DOCK7: variants seen among roughly 807,000 people sequenced by gnomAD.
DOCK7 encodes the protein dedicator of cytokinesis protein 7.
A neutral mutation model predicts 271.0 loss-of-function variants in DOCK7; 138 were observed. The observed-to-expected ratio is 0.51, with a 90% CI of 0.44 to 0.59. The LOEUF is 0.59. Among genes scored for constraint, DOCK7 ranks in the 20% least tolerant of loss-of-function variants. The probability of loss-of-function intolerance (pLI) is 0.00; values close to 1 mark genes in which losing one functional copy is unlikely to be tolerated. For missense variants in DOCK7, 2,066 were observed against 2,592.4 expected, an observed-to-expected ratio of 0.80 and a Z score of 4.41; for synonymous variants, 823 against 876.1, an observed-to-expected ratio of 0.94 and a Z score of 1.07.
rs543427495 is a variant in DOCK7, at chr1:62,641,606, C to T, written c.819-5003G>A. ...GTAGAAATTGCCAGAAATGTGGATG[C>T]CCTCGCAACACATGATCACCACCTT... On this transcript the variant is annotated intron_variant, in intron 7 of 49. Coordinates refer to ENST00000635253, the MANE Select transcript of DOCK7 (RefSeq NM_001367561.1). 414 of 469,950 alleles carry T rather than the reference C, an allele frequency of 8.8e-4. 3 individuals are homozygous for T. The highest frequency in any genetic ancestry group is 7.5e-3 in the African/African-American group (376 of 50,436). 29.1% of individuals were successfully genotyped at this position (469,950 alleles called of 1,614,324 possible).
In DOCK7 at chr1:62,557,157, C is replaced by T. The variant is rs150792059; in HGVS notation, c.2432-1168G>A. Among the ~76,000 whole-genome samples the T allele has an allele frequency of 8.8e-3, 1,331 of 151,598 alleles. 6 individuals are homozygous for T. Among genetic ancestry groups the T allele is most frequent in the South Asian group, 0.037 (176 of 4,778 alleles). ...TCAGGCAGTCCTCCCATCTTGGCCT[C>T]CCAAAGTGCTGGGATTATAGTTGTG... On this transcript the variant is annotated intron_variant, in intron 20 of 49. Transcript: ENST00000635253.
At position 62,552,738 on chromosome 1, in the gene DOCK7, C is replaced by G. The variant is rs139010379; in HGVS notation, c.2760G>C (p.Gly920=). The G allele has an allele frequency of 1.2e-5, 19 of 1,610,494 alleles. No homozygotes were observed. In the African/African-American group the frequency reaches 2.3e-4, roughly 19 times the overall value. The change falls in exon 22 of 50, where the codon GGG becomes GGC. Residue 920 remains glycine, a synonymous_variant. Coordinates refer to ENST00000635253, the MANE Select transcript of DOCK7 (RefSeq NM_001367561.1). ...ATGCATGTCTTCAGTTTACCTTACT[C>G]CCGATGATTGATCGAACTTCATCAT... ...SPDDEVRSII[G]SKGLDRSNSW... is the part of the protein sequence containing the mutation.
rs1654603925 is a variant in DOCK7 at position 62,631,353 on chromosome 1, C to T, written c.1169G>A (p.Arg390Lys). The T allele has an allele frequency of 1.2e-6, 2 of 1,612,988 alleles. No individual in the cohort carries two copies. The stretch of plus-strand genomic sequence containing the variant: ...AAAAGGCATGCGATATTTCCCAAGT[C>T]TTTGGCAAAACTGATCTGCTTGACT... Reference protein sequence around the residue: ...LKSQADQFCQRLGKYRMPFAW... With the variant: ...LKSQADQFCQKLGKYRMPFAW... The change falls in exon 11 of 50, where the codon AGA becomes AAA. Residue 390 changes from arginine (R) to lysine (K), a missense_variant. This residue lies in a region of DOCK7 where 1,414 missense variants were observed against 1,670.4 expected (regional missense o/e 0.85). Transcript: ENST00000635253.
intron 1 of DOCK7, among the ~76,000 whole-genome samples, chr1:62,680,837 A>G (rs866475991): frequency 1.9e-4 from 29 of 152,196 alleles, no homozygotes; most frequent in Middle Eastern, 6.8e-3. Context: ...ACAATGAGAC[A>G]CCATCTCACA....
At position 62,648,787 on chromosome 1, in the gene DOCK7, T is replaced by A. The variant is rs527286272; in HGVS notation, c.390-243A>T. 2.6e-5 allele frequency among the ~76,000 whole-genome samples: 4 copies of A among 152,136 alleles called. No individual in the cohort carries two copies. In the East Asian group the frequency reaches 7.8e-4, roughly 30 times the overall value. ...TCCTTCTTTCCATGCCAATCATGTG[T>A]ATATAAATTAAGCTGTACTTTCAAT... On this transcript the variant is annotated intron_variant, in intron 4 of 49. Transcript: ENST00000635253.
intron 1 of DOCK7, among the ~76,000 whole-genome samples, chr1:62,664,588 G>A (rs567557852): frequency 2.4e-4 from 37 of 152,062 alleles, no homozygotes; most frequent in African/African-American, 7.7e-4. Context: ...GGGATGTTTC[G>A]GACAATGAAA....
At chr1:62,601,855 T>C (rs780152039) in intron 14 of DOCK7, 2 of 1,609,494 alleles carry the variant, frequency 1.2e-6, no homozygotes, top group Non-Finnish European at 1.7e-6. Context: ...CTCTCAAGTT[T>C]TTCATGTCTA....
Position 62,654,023 on chromosome 1 carries a change from C to T in DOCK7, c.281G>A (p.Arg94Gln), listed in dbSNP as rs570514826. 8.1e-4 allele frequency: 1,304 copies of T among 1,613,782 alleles called. 16 individuals are homozygous for T. The South Asian group carries it at 0.013, about 16-fold the overall frequency. ...PDDIEVVYSP[R>Q]DCRTLVSAVP... ...AGCTGAAACAAGAGTTCTGCAGTCC[C>T]GAGGACTATAAACAACTTCAATATC... The change falls in exon 3 of 50, where the codon CGG (arginine) becomes CAG (glutamine). Residue 94 changes from arginine to glutamine, a missense_variant. Around this residue, in one of 2 missense-constraint regions of DOCK7, gnomAD observed 1,414 missense variants for 1,670.4 expected, o/e 0.85. Coordinates refer to ENST00000635253, the MANE Select transcript of DOCK7 (RefSeq NM_001367561.1).
chr1:62,589,053 A>T (rs1398594252), intron 14 of DOCK7, among the ~76,000 whole-genome samples: 2 of 152,128 alleles, frequency 1.3e-5, no homozygotes, highest in African/African-American at 4.8e-5. Flanking sequence ...ACCTAAATCC[A>T]TTAATTAATT....
intron 14 of DOCK7, chr1:62,601,002 C>T: frequency 3.6e-6 from 3 of 840,800 alleles, no homozygotes; most frequent in African/African-American, 1.7e-5. Flanking sequence ...ACAAACTGTA[C>T]TTCTGACATC....
At chr1:62,476,633 T>C (rs533851610) in intron 44 of DOCK7, among the ~76,000 whole-genome samples, 1 of 152,308 alleles carries the variant, frequency 6.6e-6, no homozygotes, top group African/African-American at 2.4e-5. Flanking sequence ...CATTGACCTG[T>C]TGCAGTTCTC....
chr1:62,575,915 T>C (rs913477901), intron 18 of DOCK7, among the ~76,000 whole-genome samples: 7 of 152,132 alleles, frequency 4.6e-5, no homozygotes, highest in African/African-American at 1.7e-4. Flanking sequence ...TTTTAAAACA[T>C]CTCCTTTGAA....
At chr1:62,603,711 G>C (rs1650499924) in intron 14 of DOCK7, among the ~76,000 whole-genome samples, 1 of 151,768 alleles carries the variant, frequency 6.6e-6, no homozygotes, top group South Asian at 2.1e-4. Context: ...CATTTCACTG[G>C]TGAAACATGT....
intron 22 of DOCK7, among the ~76,000 whole-genome samples, chr1:62,550,893 G>T (rs1202070018): frequency 6.6e-6 from 1 of 151,828 alleles, no homozygotes; most frequent in Non-Finnish European, 1.5e-5. Context: ...GCTAATTTTT[G>T]TATTTTTAGT....
chr1:62,558,894 T>C (rs1646229882), intron 20 of DOCK7, 95 bp downstream of exon 20: 2 of 994,816 alleles, frequency 2.0e-6, no homozygotes, highest in East Asian at 5.1e-5. Flanking sequence ...AGTCCTTATA[T>C]ATAGCAAATA....
intron 4 of DOCK7, among the ~76,000 whole-genome samples, chr1:62,651,514 A>C (rs1250206215): frequency 7.5e-6 from 1 of 133,202 alleles, no homozygotes; most frequent in South Asian, 2.4e-4. Context: ...GTAAGGGGGG[A>C]GCCCGAAAAA....
intron 29 of DOCK7, 76 bp downstream of exon 29, chr1:62,535,417 A>C: frequency 7.8e-7 from 1 of 1,282,198 alleles, no homozygotes; most frequent in South Asian, 1.5e-5. Context: ...AATCCTCAGG[A>C]AATGTGAGTG....
intron 48 of DOCK7, among the ~76,000 whole-genome samples, chr1:62,468,603 G>A (rs991229745): frequency 2.0e-5 from 3 of 151,994 alleles, no homozygotes; most frequent in African/African-American, 7.3e-5. Flanking sequence ...AATCCAAATC[G>A]GTAAAGATGA....
chr1:62,666,983 C>T (rs920660838), intron 1 of DOCK7, among the ~76,000 whole-genome samples: 3 of 152,208 alleles, frequency 2.0e-5, no homozygotes, highest in Non-Finnish European at 4.4e-5. Context: ...AGAAAGCATC[C>T]GCTCAGGCCA....
Sources: gnomAD v4.1 joint callset for allele counts (sites outside exome capture counted in the v4.1 genomes callset) on GRCh38, gnomAD v4.1.1 for gene constraint, gnomAD v4.1.1 regional missense constraint, MANE v1.5 for transcripts, NCBI Gene and HGNC (gene_info 2026-07-23, HGNC 2026-07-21) for gene names.